The following EYS variants were observed in gnomAD, a reference collection of about 807,000 sequenced individuals.
EYS encodes the protein protein eyes shut homolog.
In EYS, 250 loss-of-function variants were observed where a neutral mutation model predicts 282.1. That is an observed-to-expected ratio of 0.89 (90% CI 0.80 to 0.98). The LOEUF (loss-of-function observed/expected upper bound fraction) is 0.98. Ranked by LOEUF, EYS falls within the 50% of genes least tolerant of loss-of-function variation. The pLI is 0.00. For synonymous variants in EYS, 1,355 were observed against 1,282.9 expected, an observed-to-expected ratio of 1.06 and a Z score of -1.20; for missense variants, 4,016 against 3,709.0, an observed-to-expected ratio of 1.08 and a Z score of -2.15.
chr6:65,121,874 A>G (rs1192603431), intron 12 of EYS, among the ~76,000 whole-genome samples: 2 of 151,970 alleles, frequency 1.3e-5, no homozygotes, highest in African/African-American at 4.8e-5. Flanking sequence ...GCTTAGTCTC[A>G]CCTTTACTTA....
At chr6:64,816,135 A>T (rs1476950017) in intron 21 of EYS, among the ~76,000 whole-genome samples, 1 of 152,050 alleles carries the variant, frequency 6.6e-6, no homozygotes, top group South Asian at 2.1e-4. Context: ...TCTTGGAGAA[A>T]GGGAAACAGA....
intron 12 of EYS, among the ~76,000 whole-genome samples, chr6:65,214,031 T>A (rs1331889530): frequency 6.6e-6 from 1 of 151,130 alleles, no homozygotes; most frequent in Non-Finnish European, 1.5e-5. Flanking sequence ...TGGTGGCGGG[T>A]GCCTGTAGTC....
chr6:65,018,260 C>T (rs1163546509), intron 13 of EYS, among the ~76,000 whole-genome samples: 3 of 152,170 alleles, frequency 2.0e-5, no homozygotes, highest in Non-Finnish European at 4.4e-5. Context: ...AGTCCATGAT[C>T]AAGGTCTTGG....
At chr6:65,491,534 T>G in intron 4 of EYS, 1 of 412,684 alleles carries the variant, frequency 2.4e-6, no homozygotes, top group South Asian at 1.8e-5. Flanking sequence ...CCTTATATAC[T>G]GACATCCCTG....
chr6:65,580,383 C>T (rs927004195), intron 2 of EYS, among the ~76,000 whole-genome samples: 3 of 152,026 alleles, frequency 2.0e-5, no homozygotes, highest in African/African-American at 7.2e-5. Context: ...AGAATCCAAA[C>T]AGAACTCATT....
chr6:63,984,313 G>T, intron 35 of EYS, 70 bp downstream of exon 35: 2 of 1,123,948 alleles, frequency 1.8e-6, no homozygotes, highest in Non-Finnish European at 2.6e-6. Flanking sequence ...GGACAATACT[G>T]CTGGCTTTTG....
intron 35 of EYS, among the ~76,000 whole-genome samples, chr6:63,911,056 G>A (rs1262888508): frequency 6.6e-6 from 1 of 150,534 alleles, no homozygotes; most frequent in Non-Finnish European, 1.5e-5. Context: ...GAACTTGGCT[G>A]TTCACAGATT....
chr6:64,390,037 C>T (rs1454019045), intron 28 of EYS, among the ~76,000 whole-genome samples: 3 of 151,110 alleles, frequency 2.0e-5, no homozygotes, highest in Non-Finnish European at 4.4e-5. Flanking sequence ...AATCGGGTCA[C>T]TCCCACCCGA....
intron 29 of EYS, among the ~76,000 whole-genome samples, chr6:64,355,409 C>T (rs766396457): frequency 4.6e-5 from 7 of 151,534 alleles, no homozygotes; most frequent in African/African-American, 7.3e-5. Flanking sequence ...TTAAAAAACT[C>T]AGAGTAGTTT....
chr6:64,800,935 A>G (rs1032121921), intron 22 of EYS, among the ~76,000 whole-genome samples: 2 of 152,064 alleles, frequency 1.3e-5, no homozygotes, highest in South Asian at 2.1e-4. Context: ...ATAGAAGCAC[A>G]CATTAAGCAC....
At chr6:64,486,367 C>A (rs1290509529) in intron 26 of EYS, among the ~76,000 whole-genome samples, 1 of 151,310 alleles carries the variant, frequency 6.6e-6, no homozygotes, top group Non-Finnish European at 1.5e-5. Context: ...TGTCAGATAA[C>A]AAGAGATCAA....
chr6:65,330,065 T>C (rs1769739694), intron 11 of EYS: 1 of 984,076 alleles, frequency 1.0e-6, no homozygotes, highest in Admixed American at 6.2e-5. Context: ...ATCAAGCAAC[T>C]TGTATGTTCA....
At chr6:64,634,621 A>T (rs1767909510) in intron 22 of EYS, among the ~76,000 whole-genome samples, 1 of 151,892 alleles carries the variant, frequency 6.6e-6, no homozygotes, top group South Asian at 2.1e-4. Flanking sequence ...TATACTTGGG[A>T]ACTGTCCAGC....
intron 13 of EYS, among the ~76,000 whole-genome samples, chr6:65,003,358 T>C (rs536960745): frequency 3.4e-5 from 5 of 147,266 alleles, no homozygotes; most frequent in Admixed American, 2.0e-4. Context: ...TCCTGCCTAA[T>C]AAATTTTGGT....
chr6:63,975,901 T>C (rs1766812850), intron 35 of EYS, among the ~76,000 whole-genome samples: 1 of 151,978 alleles, frequency 6.6e-6, no homozygotes, highest in Non-Finnish European at 1.5e-5. Context: ...GCAAGCATCA[T>C]AGAATGTACT....
intron 1 of EYS, among the ~76,000 whole-genome samples, chr6:65,651,573 C>A (rs9363413): frequency 5.9e-5 from 9 of 151,928 alleles, no homozygotes; most frequent in Non-Finnish European, 1.3e-4. Context: ...CATAAGACAT[C>A]ATTTCCCCTC....
In EYS at chr6:64,150,616, C is replaced by G. The variant is rs965496435; in HGVS notation, c.6425-68614G>C. On this transcript the variant is annotated intron_variant, in intron 31 of 42. Coordinates refer to ENST00000503581, the MANE Select transcript of EYS (RefSeq NM_001142800.2). ...TGAAAATTTTTATATCATAAATTACCTCATAAACAAGAGCCACAGACACAC... is the reference window on the plus strand; with the variant it reads ...TGAAAATTTTTATATCATAAATTACGTCATAAACAAGAGCCACAGACACAC... 3.9e-5 allele frequency among the ~76,000 whole-genome samples: 6 copies of G among 151,912 alleles called. No individual in the cohort carries two copies. The East Asian group carries it at 1.2e-3, about 29-fold the overall frequency.
At chr6:65,146,642 GT>G (rs574611175) in intron 12 of EYS, among the ~76,000 whole-genome samples, 1 of 151,668 alleles carries the variant, frequency 6.6e-6, no homozygotes, top group Non-Finnish European at 1.5e-5. Context: ...CATGTATTTG[GT>G]TATTTTGTTA....
At chr6:65,562,597 T>C (rs1388392916) in intron 2 of EYS, among the ~76,000 whole-genome samples, 2 of 152,038 alleles carry the variant, frequency 1.3e-5, no homozygotes, top group Admixed American at 6.6e-5. Context: ...CTGGAGATAG[T>C]TGGTCAGGGT....
Sources: allele counts gnomAD v4.1 joint callset (sites outside exome capture counted in the v4.1 genomes callset), GRCh38; gene constraint gnomAD v4.1.1; transcripts MANE v1.5; gene names NCBI Gene and HGNC (gene_info 2026-07-23, HGNC 2026-07-21).